Variants in SOCS7 observed in about 807,000 individuals in gnomAD.
The protein encoded by SOCS7 is NAP-4.
Under a neutral mutation model 58.9 loss-of-function variants are expected in SOCS7, and 18 were observed. That is an observed-to-expected ratio of 0.31 (90% CI 0.21 to 0.45). SOCS7 has a LOEUF of 0.45. SOCS7 is among the 20% of genes least tolerant of loss of function. The pLI is 1.00. For synonymous variants in SOCS7, 388 were observed against 364.3 expected (o/e 1.06, Z -0.74); for missense variants, 667 against 837.3 (o/e 0.80, Z 2.51).
intron 7 of SOCS7, among the ~76,000 whole-genome samples, chr17:38,387,568 ATATATACACAATATATTGTATATAT>A (rs1403747086): frequency 5.8e-5 from 8 of 138,930 alleles, no homozygotes; most frequent in African/African-American, 2.2e-4. Flanking sequence ...AATACATAAT[ATATATACACAATATATTGTATATAT>A]TATATACACA....
intron 7 of SOCS7, among the ~76,000 whole-genome samples, chr17:38,389,899 A>ATATATATATATATATG (rs2038143219): frequency 2.0e-4 from 2 of 10,188 alleles, no homozygotes; most frequent in African/African-American, 5.5e-4. Context: ...ATATATATAT[A>ATATATATATATATATG]CACATATAGA....
chr17:38,379,276 C>T (rs952564018), intron 7 of SOCS7, among the ~76,000 whole-genome samples: 1 of 151,294 alleles, frequency 6.6e-6, no homozygotes, highest in African/African-American at 2.4e-5. Flanking sequence ...GTCAGGAGTT[C>T]GAGACAGCCT....
chr17:38,397,452 A>G (rs1257275992), intron 9 of SOCS7, among the ~76,000 whole-genome samples: 1 of 152,244 alleles, frequency 6.6e-6, no homozygotes, highest in Non-Finnish European at 1.5e-5. Flanking sequence ...CAGTTGAGGC[A>G]GGGCCTTTAT....
At chr17:38,397,759 A>G (rs545509861) in intron 9 of SOCS7, among the ~76,000 whole-genome samples, 3 of 152,346 alleles carry the variant, frequency 2.0e-5, no homozygotes, top group East Asian at 3.9e-4. Flanking sequence ...CTAAGGAAAG[A>G]CAGGCAGCAA....
intron 1 of SOCS7, among the ~76,000 whole-genome samples, chr17:38,355,468 T>A (rs1478796151): frequency 1.3e-5 from 2 of 152,096 alleles, no homozygotes; most frequent in African/African-American, 4.8e-5. Flanking sequence ...ACTTGGTGAG[T>A]CTGGCCAGGG....
intron 1 of SOCS7, among the ~76,000 whole-genome samples, chr17:38,356,374 C>T (rs2037638099): frequency 6.6e-6 from 1 of 151,244 alleles, no homozygotes; most frequent in Non-Finnish European, 1.5e-5. Context: ...GAGCCAGACT[C>T]CATCTTTTTT....
At chr17:38,389,918 G>T (rs1307492797) in intron 7 of SOCS7, among the ~76,000 whole-genome samples, 1 of 10,086 alleles carries the variant, frequency 9.9e-5, no homozygotes, top group Non-Finnish European at 2.2e-4. Context: ...GAGAGAGAGA[G>T]AGAGAGAGAG....
chr17:38,385,953 A>G (rs1461420932), intron 7 of SOCS7, among the ~76,000 whole-genome samples: 1 of 151,994 alleles, frequency 6.6e-6, no homozygotes, highest in Admixed American at 6.6e-5. Flanking sequence ...GTGAGGCAGG[A>G]GGATCGCTTA....
chr17:38,362,239 T>C (rs587651640), intron 2 of SOCS7, among the ~76,000 whole-genome samples: 1 of 152,348 alleles, frequency 6.6e-6, no homozygotes, highest in South Asian at 2.1e-4. Flanking sequence ...AGCTCTTGTC[T>C]TTTTAGGGGC....
Position 38,395,745 on chromosome 17 carries a change from G to A in SOCS7, c.1818-103G>A. On this transcript the variant is annotated intron_variant, in intron 8 of 9. Coordinates refer to ENST00000612932, the MANE Select transcript of SOCS7 (RefSeq NM_014598.4). Reference sequence around the variant, plus strand: ...ACTGAGAAAATGGGGATTGTGTTAGGTCTCAACCATGTAGGGAGTGAAGAA... The same window carrying A: ...ACTGAGAAAATGGGGATTGTGTTAGATCTCAACCATGTAGGGAGTGAAGAA... The A allele has an allele frequency of 4.2e-6, 5 of 1,186,346 alleles. No individual in the cohort carries two copies. In the South Asian group the frequency reaches 6.5e-5, roughly 15 times the overall value. 73.5% of individuals were successfully genotyped at this position (1,186,346 alleles called of 1,614,324 possible). A position where few individuals can be genotyped will look rare whatever the true frequency, so the allele number is the denominator to read the frequency against.
At chr17:38,385,752 T>C (rs531589119) in intron 7 of SOCS7, among the ~76,000 whole-genome samples, 5 of 152,342 alleles carry the variant, frequency 3.3e-5, no homozygotes, top group African/African-American at 1.2e-4. Context: ...CCTTACGATT[T>C]ACTTATTGAA....
At chr17:38,390,187 C>G (rs1468693983) in intron 7 of SOCS7, among the ~76,000 whole-genome samples, 2 of 151,786 alleles carry the variant, frequency 1.3e-5, no homozygotes, top group African/African-American at 2.4e-5. Context: ...ATACTCTTTC[C>G]CCATTGAATT....
intron 7 of SOCS7, among the ~76,000 whole-genome samples, chr17:38,387,135 A>ATATATATATATGTGTG (rs2038085131): frequency 2.1e-5 from 2 of 94,318 alleles, no homozygotes; most frequent in African/African-American, 1.3e-4. Context: ...ATATGTATGT[A>ATATATATATATGTGTG]TATATATATA....
chr17:38,392,875 C>CA (rs1348155302), intron 7 of SOCS7, among the ~76,000 whole-genome samples: 1 of 152,214 alleles, frequency 6.6e-6, no homozygotes, highest in African/African-American at 2.4e-5. Context: ...GTGTTCAAGG[C>CA]AGGCCGGCTT....
chr17:38,372,447 A>G (rs1377413826), intron 6 of SOCS7, among the ~76,000 whole-genome samples: 1 of 152,260 alleles, frequency 6.6e-6, no homozygotes, highest in Non-Finnish European at 1.5e-5. Flanking sequence ...GTAATATTTC[A>G]TAGCCAACTA....
intron 6 of SOCS7, among the ~76,000 whole-genome samples, chr17:38,370,849 C>T (rs1001703797): frequency 3.3e-5 from 5 of 151,658 alleles, no homozygotes; most frequent in South Asian, 2.1e-4. Context: ...CGGGGTTTCA[C>T]CATATTGGCC....
At position 38,352,810 on chromosome 17, in the gene SOCS7, C is replaced by T. The variant is rs2037575391; in HGVS notation, c.758C>T (p.Pro253Leu). The T allele has an allele frequency of 6.4e-7, 1 of 1,555,188 alleles. No individual in the cohort carries two copies. The highest frequency in any genetic ancestry group is 2.4e-5 in the East Asian group (1 of 41,252). ...EQQQQQQQQPPPPPPPPGPLR... is the reference protein window; with the variant it reads ...EQQQQQQQQPLPPPPPPGPLR... ...CAGCAGCAGCAGCAGCAGCAACCTC[C>T]CCCGCCCCCGCCTCCTCCCGGGCCC... Residue 253 changes from proline (P) to leucine (L), a missense_variant, in exon 1 of 10, where the codon CCC becomes CTC. This residue lies in a region of SOCS7 where 208 missense variants were observed against 190.3 expected (regional missense o/e 1.09). Coordinates refer to ENST00000612932, the MANE Select transcript of SOCS7 (RefSeq NM_014598.4). This position sits in a 1 kb window ranked among gnomAD's most constrained non-coding sequence, Gnocchi z 5.5.
chr17:38,398,805 C>T (rs2144411306), intron 9 of SOCS7, among the ~76,000 whole-genome samples: 1 of 152,224 alleles, frequency 6.6e-6, no homozygotes, highest in East Asian at 1.9e-4. Flanking sequence ...AAATACAGAG[C>T]TCTCTGGCCA....
intron 1 of SOCS7, among the ~76,000 whole-genome samples, chr17:38,355,946 C>G (rs587684308): frequency 6.6e-6 from 1 of 152,036 alleles, no homozygotes; most frequent in Non-Finnish European, 1.5e-5. Flanking sequence ...TGCAGTGGTG[C>G]GATCTTGGCT....
Sources: gnomAD v4.1 joint callset for allele counts (sites outside exome capture counted in the v4.1 genomes callset) on GRCh38, gnomAD v4.1.1 for gene constraint, gnomAD v4.1.1 regional missense constraint, Gnocchi (gnomAD v3.1) non-coding constraint, MANE v1.5 for transcripts, NCBI Gene and HGNC (gene_info 2026-07-23, HGNC 2026-07-21) for gene names.